Variants in MROH1 observed in about 807,000 individuals in gnomAD.
MROH1 encodes maestro heat-like repeat-containing protein family member 1.
In MROH1, 117 loss-of-function variants were observed where a neutral mutation model predicts 116.5. The ratio of observed to expected loss-of-function variants is 1.00; its 90% CI spans 0.86 to 1.17. MROH1 has a LOEUF of 1.17. Among genes scored for constraint, MROH1 ranks in the 50% most tolerant of loss-of-function variants. The pLI, the probability that MROH1 is intolerant of heterozygous loss-of-function variation, is 0.00. For synonymous variants in MROH1, 921 were observed against 583.9 expected, an observed-to-expected ratio of 1.58 and a Z score of -8.32; for missense variants, 1,873 against 1,338.5, an observed-to-expected ratio of 1.40 and a Z score of -6.23.
chr8:144,205,386 C>A (rs1156772539), intron 12 of MROH1, among the ~76,000 whole-genome samples: 1 of 152,090 alleles, frequency 6.6e-6, no homozygotes, highest in African/African-American at 2.4e-5. Context: ...CTTCTAGAAT[C>A]TGTTACTGCT....
rs1820092713 is a variant in MROH1 at position 144,163,671 on chromosome 8, T to C, written c.-56-100T>C. ...ACGGAGATATTTCCCCCAGAATAAA[T>C]TCATTTAAATTGTGTATTTTACATG... On this transcript the variant is annotated intron_variant, in intron 2 of 43. Transcript: ENST00000326134. This position sits in a 1 kb window ranked among gnomAD's most constrained non-coding sequence, Gnocchi z 4.4. The C allele has an allele frequency of 4.0e-6, 3 of 745,348 alleles. No individual in the cohort carries two copies. The highest frequency in any genetic ancestry group is 6.5e-6 in the Non-Finnish European group (3 of 460,740). 46.2% of individuals were successfully genotyped at this position (745,348 alleles called of 1,614,324 possible).
intron 33 of MROH1, 150 bp downstream of exon 33, chr8:144,250,516 G>C (rs1842676918): frequency 1.4e-6 from 1 of 694,620 alleles, no homozygotes; most frequent in Non-Finnish European, 2.6e-6. Flanking sequence ...AAGTGACATG[G>C]AGCCAGGCCC....
intron 4 of MROH1, among the ~76,000 whole-genome samples, chr8:144,175,918 A>T (rs978535182): frequency 6.6e-6 from 1 of 152,156 alleles, no homozygotes; most frequent in Non-Finnish European, 1.5e-5. Context: ...GCGTGGTGGC[A>T]CGCGCCTGTA....
chr8:144,216,264 G>T (rs889898119), intron 12 of MROH1, among the ~76,000 whole-genome samples: 7 of 151,600 alleles, frequency 4.6e-5, no homozygotes, highest in African/African-American at 1.7e-4. Flanking sequence ...CACGAGGTCA[G>T]GAGAGCGAGA....
intron 4 of MROH1, among the ~76,000 whole-genome samples, chr8:144,177,125 A>G (rs958880775): frequency 2.0e-5 from 3 of 152,242 alleles, no homozygotes; most frequent in Non-Finnish European, 4.4e-5. Context: ...TTTGAAGAAC[A>G]AAAATCACTC....
At chr8:144,207,399 G>C (rs1457353402) in intron 12 of MROH1, among the ~76,000 whole-genome samples, 1 of 152,058 alleles carries the variant, frequency 6.6e-6, no homozygotes, top group Non-Finnish European at 1.5e-5. Flanking sequence ...TGTTGGCCAG[G>C]ATGGTCTTGA....
In MROH1 at chr8:144,260,307, T is replaced by C. The variant is rs1554835071; in HGVS notation, c.4313T>C (p.Val1438Ala). 5 of 750,904 alleles carry C rather than the reference T, an allele frequency of 6.7e-6. No homozygotes were observed. Among genetic ancestry groups the C allele is most frequent in the African/African-American group, 5.1e-5 (3 of 58,610 alleles). 46.5% of individuals were successfully genotyped at this position (750,904 alleles called of 1,614,324 possible). A position where few individuals can be genotyped will look rare whatever the true frequency, so the allele number is the denominator to read the frequency against. Residue 1438 changes from valine (V) to alanine (A), a missense_variant, in exon 39 of 44, where the codon GTG (valine) becomes GCG (alanine). Val to Ala is a moderately conservative substitution (Grantham distance 64). Coordinates refer to ENST00000326134, the MANE Select transcript of MROH1 (RefSeq NM_032450.3). ...GGCCTTGCGAGGCTGGTGCACCTGG[T>C]GGAGTCCTGGGACCTGCGCTCAGGG... is the stretch of plus-strand genomic sequence containing the variant. ...MLGLARLVHLVESWDLRSGLL... is the reference protein window; with the variant it reads ...MLGLARLVHLAESWDLRSGLL...
intron 3 of MROH1, among the ~76,000 whole-genome samples, chr8:144,164,263 G>A (rs188091127): frequency 0.011 from 1,693 of 151,900 alleles, 23 homozygotes; most frequent in African/African-American, 0.035. Flanking sequence ...AAATTAGCCA[G>A]GTGTGGTGGC....
At chr8:144,171,486 G>A (rs1173965950) in intron 4 of MROH1, among the ~76,000 whole-genome samples, 3 of 152,150 alleles carry the variant, frequency 2.0e-5, no homozygotes, top group Non-Finnish European at 2.9e-5. Flanking sequence ...GCTCAGTTGC[G>A]CTCATGCTCA....
chr8:144,235,094 C>T (rs1554824213), intron 14 of MROH1, among the ~76,000 whole-genome samples: 1 of 152,052 alleles, frequency 6.6e-6, no homozygotes, highest in Non-Finnish European at 1.5e-5. Flanking sequence ...CAGGGTTTCA[C>T]CATGTTGGCC....
intron 12 of MROH1, chr8:144,213,968 A>T (rs1453168936): frequency 6.6e-6 from 1 of 151,578 alleles, no homozygotes; most frequent in African/African-American, 2.4e-5. Context: ...TTGTTTTCTG[A>T]TGTCCAAAAG....
chr8:144,261,812 G>A lies in MROH1; in HGVS notation c.*72G>A, dbSNP rs1554836155. ...CCTGAGCTCCAAGACAGGGCCTCCT[G>A]AGGACCACAGCCTGGGCACACGACT... On this transcript the variant is annotated 3_prime_UTR_variant, in exon 44 of 44. Coordinates refer to ENST00000326134, the MANE Select transcript of MROH1 (RefSeq NM_032450.3). The A allele has an allele frequency of 1.0e-5, 7 of 700,820 alleles. No homozygotes were observed. The highest frequency in any genetic ancestry group is 4.0e-5 in the Admixed American group (2 of 49,992). The allele number at this position is 700,820 out of a possible 1,614,324, so 43.4% of individuals were successfully genotyped here. A position where few individuals can be genotyped will look rare whatever the true frequency, so the allele number is the denominator to read the frequency against.
Position 144,180,497 on chromosome 8 carries a change from A to T in MROH1, c.536A>T (p.Asp179Val), listed in dbSNP as rs770277822. 10 of 1,611,486 alleles carry T rather than the reference A, an allele frequency of 6.2e-6. No individual in the cohort carries two copies. The East Asian group carries it at 2.2e-4, about 36-fold the overall frequency. ...LLPVLGVAKQ[D>V]TVRVAFCSAL... ...CCCGTGCTGGGCGTGGCCAAGCAGGACACGGTGCGCGTGGCCTTCTGCTCC... is the reference window on the plus strand; with the variant it reads ...CCCGTGCTGGGCGTGGCCAAGCAGGTCACGGTGCGCGTGGCCTTCTGCTCC... Residue 179 changes from aspartate to valine, a missense_variant, in exon 7 of 44, where the codon GAC (aspartate) becomes GTC (valine). Transcript: ENST00000326134. The surrounding 1 kb of genome is among the most constrained non-coding windows in gnomAD (Gnocchi z 7.4).
At position 144,244,034 on chromosome 8, in the gene MROH1, G is replaced by A. The variant is rs1362858466; in HGVS notation, c.2555+92G>A. On this transcript the variant is annotated intron_variant, in intron 26 of 43. Coordinates refer to ENST00000326134, the MANE Select transcript of MROH1 (RefSeq NM_032450.3). ...TGTGCACGTGTATGCGCGTGTGCAT[G>A]TGCGTGTGTGTGCCTGTGCTTGCGT... is the stretch of plus-strand genomic sequence containing the variant. 9.7e-6 allele frequency: 7 copies of A among 724,092 alleles called. No individual in the cohort carries two copies. In the East Asian group the frequency reaches 1.1e-4, roughly 11 times the overall value. 44.9% of individuals were successfully genotyped at this position (724,092 alleles called of 1,614,324 possible).
chr8:144,187,438 C>T (rs1281107431), intron 7 of MROH1, among the ~76,000 whole-genome samples: 1 of 152,070 alleles, frequency 6.6e-6, no homozygotes, highest in African/African-American at 2.4e-5. Flanking sequence ...CAAAATCCTA[C>T]AATCACCCAC....
chr8:144,174,820 T>G, intron 4 of MROH1: 1 of 985,360 alleles, frequency 1.0e-6, no homozygotes, highest in African/African-American at 1.7e-5. Context: ...CCTATGCCTT[T>G]TTCATGGGTT....
At position 144,180,413 on chromosome 8, in the gene MROH1, C is replaced by G; in HGVS notation, c.464-12C>G. 6.2e-7 allele frequency: 1 copy of G among 1,612,950 alleles called. No individual in the cohort carries two copies. The highest frequency in any genetic ancestry group is 8.5e-7 in the Non-Finnish European group (1 of 1,179,740). On this transcript the variant is annotated splice_polypyrimidine_tract_variant and intron_variant, in intron 6 of 43. Transcript: ENST00000326134. The surrounding 1 kb of genome is among the most constrained non-coding windows in gnomAD (Gnocchi z 7.4). ...CCTTGGCGGAGGCCTTTGACGGTGT[C>G]CTCTCTCACAGCGTTCGGCGTAGTC...
Position 144,180,439 on chromosome 8 carries a change from C to T in MROH1, c.478C>T (p.Pro160Ser). 6.2e-7 allele frequency: 1 copy of T among 1,613,178 alleles called. No homozygotes were observed. The highest frequency in any genetic ancestry group is 8.5e-7 in the Non-Finnish European group (1 of 1,179,808). The part of the protein sequence containing the change: ...LSVANAFGVV[P>S]FLPSVLSSLL... ...CTCTCTCACAGCGTTCGGCGTAGTCCCCTTCCTGCCATCCGTCCTGAGCTC... is the reference window on the plus strand; with the variant it reads ...CTCTCTCACAGCGTTCGGCGTAGTCTCCTTCCTGCCATCCGTCCTGAGCTC... Residue 160 changes from proline to serine, a missense_variant, in exon 7 of 44, where the codon CCC becomes TCC. Physicochemically the swap from Pro to Ser is moderately conservative, Grantham distance 74. Coordinates refer to ENST00000326134, the MANE Select transcript of MROH1 (RefSeq NM_032450.3). The surrounding 1 kb of genome is among the most constrained non-coding windows in gnomAD (Gnocchi z 7.4).
chr8:144,229,005 G>A (rs7461843), intron 14 of MROH1, among the ~76,000 whole-genome samples: 150,544 of 152,314 alleles, frequency 0.99, 74,417 homozygotes, highest in East Asian at 1. Context: ...AGCAGATTCA[G>A]TCTCAAAAAA....
Sources: gnomAD v4.1 joint callset for allele counts (sites outside exome capture counted in the v4.1 genomes callset) on GRCh38, gnomAD v4.1.1 for gene constraint, Gnocchi (gnomAD v3.1) non-coding constraint, MANE v1.5 for transcripts, NCBI Gene and HGNC (gene_info 2026-07-23, HGNC 2026-07-21) for gene names.